CDHR2: variants seen among roughly 807,000 people sequenced by gnomAD.
The protein encoded by CDHR2 is cadherin related family member 2, also known as cadherin-related family member 2.
A neutral mutation model predicts 138.6 loss-of-function variants in CDHR2; 104 were observed. That is an observed-to-expected ratio of 0.75 (90% CI 0.64 to 0.88). The LOEUF (loss-of-function observed/expected upper bound fraction) is 0.88. CDHR2 is among the 40% of genes least tolerant of loss of function. The pLI, the probability that CDHR2 is intolerant of heterozygous loss-of-function variation, is 0.00. For synonymous variants in CDHR2, 755 were observed against 742.8 expected (o/e 1.02, Z -0.27); for missense variants, 1,624 against 1,727.6 (o/e 0.94, Z 1.06).
Position 176,584,962 on chromosome 5 carries a change from T to C in CDHR2, c.2681T>C (p.Val894Ala), listed in dbSNP as rs1561879132. The stretch of plus-strand genomic sequence containing the variant: ...GCCTGTGACCTGGTCACGCTGGTTG[T>C]GCGGGCCTGTGACCTAGCCACGGAC... ...YEACDLVTLVVRACDLATDPG... is the reference protein window; with the variant it reads ...YEACDLVTLVARACDLATDPG... The change falls in exon 19 of 32, where the codon GTG (valine) becomes GCG (alanine). Residue 894 changes from valine to alanine, a missense_variant. Val to Ala is a moderately conservative substitution (Grantham distance 64). This residue lies in a region of CDHR2 where 556 missense variants were observed against 565.7 expected (regional missense o/e 0.98). Coordinates refer to ENST00000261944, the MANE Select transcript of CDHR2 (RefSeq NM_017675.6). 1.3e-6 allele frequency: 2 copies of C among 1,566,024 alleles called. No homozygotes were observed. Among genetic ancestry groups the C allele is most frequent in the Middle Eastern group, 1.7e-4 (1 of 6,004 alleles).
intron 3 of CDHR2, among the ~76,000 whole-genome samples, chr5:176,568,131 TG>T (rs2113283196): frequency 6.6e-6 from 1 of 151,676 alleles, no homozygotes; most frequent in African/African-American, 2.4e-5. Flanking sequence ...GTAAAGGAGG[TG>T]GGGGCTCAGG....
Position 176,584,207 on chromosome 5 carries a change from G to T in CDHR2, c.2076G>T (p.Leu692=). Reference sequence around the variant, plus strand: ...GACTGCAGGACATCAATGATAACCTGCCCATCTTCAATCAGTCCAGCTACA... The same window carrying T: ...GACTGCAGGACATCAATGATAACCTTCCCATCTTCAATCAGTCCAGCTACA... ...TITVEDINDN[L]PIFNQSSYNF... The change falls in exon 18 of 32, where the codon CTG becomes CTT. Residue 692 remains leucine, a synonymous_variant. Transcript: ENST00000261944. 5.6e-6 allele frequency: 9 copies of T among 1,614,136 alleles called. No homozygotes were observed. The highest frequency in any genetic ancestry group is 7.6e-6 in the Non-Finnish European group (9 of 1,179,990).
chr5:176,588,406 A>G (rs373219689), intron 21 of CDHR2, among the ~76,000 whole-genome samples: 4 of 133,534 alleles, frequency 3.0e-5, no homozygotes, highest in Admixed American at 1.6e-4. Context: ...AGTGCATGAG[A>G]GAGTGAGGGT....
intron 7 of CDHR2, 124 bp from the exon 8 acceptor site, chr5:176,574,960 T>G: frequency 1.4e-5 from 17 of 1,174,252 alleles, no homozygotes; most frequent in South Asian, 2.9e-5. Flanking sequence ...AGAGGTCATA[T>G]GACCTGGTGC....
intron 14 of CDHR2, 78 bp downstream of exon 14, chr5:176,577,876 GTGTA>G: frequency 6.5e-7 from 1 of 1,535,416 alleles, no homozygotes; most frequent in Non-Finnish European, 8.9e-7. Context: ...GTGTGTGTGT[GTGTA>G]TGTGTGAGAT....
Position 176,565,271 on chromosome 5 carries a change from C to T in CDHR2, c.-15-67C>T, listed in dbSNP as rs539285021. Reference sequence around the variant, plus strand: ...TGGGTGGGCTCAGGTCAGACCCAGGCAGATGGGAGTCTGCCAAAAGGAGGG... The same window carrying T: ...TGGGTGGGCTCAGGTCAGACCCAGGTAGATGGGAGTCTGCCAAAAGGAGGG... On this transcript the variant is annotated intron_variant, in intron 1 of 31. Coordinates refer to ENST00000261944, the MANE Select transcript of CDHR2 (RefSeq NM_017675.6). 3.4e-6 allele frequency: 4 copies of T among 1,168,254 alleles called. No individual in the cohort carries two copies. In the South Asian group the frequency reaches 4.9e-5, roughly 14 times the overall value. The allele number at this position is 1,168,254 out of a possible 1,614,324, so 72.4% of individuals were successfully genotyped here.
intron 1 of CDHR2, among the ~76,000 whole-genome samples, chr5:176,557,695 T>C (rs1757867800): frequency 2.4e-5 from 1 of 41,412 alleles, no homozygotes; most frequent in African/African-American, 3.7e-5. Context: ...TTTTTCTTTC[T>C]TTCTTTCTTT....
intron 30 of CDHR2, chr5:176,591,770 CGAT>C (rs1442648395): frequency 4.3e-4 from 5 of 11,710 alleles, no homozygotes; most frequent in East Asian, 2.5e-3. Context: ...GTGATGATGA[CGAT>C]GGTGGTGGTG....
At chr5:176,546,876 C>T (rs935442291), upstream of CDHR2, among the ~76,000 whole-genome samples, 2 of 152,022 alleles carry the variant, frequency 1.3e-5, no homozygotes, top group African/African-American at 4.8e-5. Flanking sequence ...AGCATCCTTT[C>T]CTCAGAAACA....
intron 17 of CDHR2, among the ~76,000 whole-genome samples, chr5:176,582,020 T>C (rs1758545504): frequency 6.6e-6 from 1 of 152,208 alleles, no homozygotes; most frequent in Non-Finnish European, 1.5e-5. Context: ...TTTATTTATC[T>C]ATTGATTTAT....
chr5:176,561,571 G>A (rs1168012867), intron 1 of CDHR2, among the ~76,000 whole-genome samples: 4 of 152,066 alleles, frequency 2.6e-5, no homozygotes, highest in Admixed American at 6.6e-5. Context: ...ATGGATGGGC[G>A]GAGGAGGCAG....
Position 176,569,027 on chromosome 5 carries a change from AG to A in CDHR2, c.315+23del, listed in dbSNP as rs752784789. ...TACATCCAGGTGAGTTGGGAGGTGC[AG>A]GGGGGTAGACAGGGATTGCGAGAGT... On this transcript the variant is annotated intron_variant, in intron 5 of 31. Coordinates refer to ENST00000261944, the MANE Select transcript of CDHR2 (RefSeq NM_017675.6). 2 of 1,613,758 alleles carry A rather than the reference AG, an allele frequency of 1.2e-6. No homozygotes were observed. The highest frequency in any genetic ancestry group is 1.3e-5 in the African/African-American group (1 of 75,032).
intron 1 of CDHR2, among the ~76,000 whole-genome samples, chr5:176,550,769 C>T (rs1757687406): frequency 6.6e-6 from 1 of 152,180 alleles, no homozygotes; most frequent in Non-Finnish European, 1.5e-5. Context: ...ACCTCCCCAC[C>T]CTGACCCTCC....
chr5:176,593,867 C>T (rs976175766), intron 31 of CDHR2, among the ~76,000 whole-genome samples: 2 of 152,188 alleles, frequency 1.3e-5, no homozygotes, highest in Non-Finnish European at 2.9e-5. Flanking sequence ...ACAGAGGCCT[C>T]CGGACAGGCC....
chr5:176,568,714 A>G lies in CDHR2; in HGVS notation c.161A>G (p.Asp54Gly), dbSNP rs978795686. Residue 54 changes from aspartate (D) to glycine (G), a missense_variant, in exon 4 of 32, where the codon GAC becomes GGC. Asp to Gly is a moderately conservative substitution (Grantham distance 94, BLOSUM62 -1). Around this residue, in one of 3 missense-constraint regions of CDHR2, gnomAD observed 1,061 missense variants for 1,136.6 expected, o/e 0.93. Coordinates refer to ENST00000261944, the MANE Select transcript of CDHR2 (RefSeq NM_017675.6). ...QAFWLVAEDQ[D>G]NDPLTYGMSG... ...TTCTGGTTGGTAGCGGAAGACCAGG[A>G]CAATGACCCTCTGACCTATGGGATG... 11 of 1,614,232 alleles carry G rather than the reference A, an allele frequency of 6.8e-6. No individual in the cohort carries two copies. The highest frequency in any genetic ancestry group is 9.3e-6 in the Non-Finnish European group (11 of 1,180,022).
chr5:176,564,752 C>G (rs1370959832), intron 1 of CDHR2, among the ~76,000 whole-genome samples: 2 of 151,942 alleles, frequency 1.3e-5, no homozygotes, highest in Non-Finnish European at 2.9e-5. Context: ...CCACGGAGCA[C>G]AGTTTGGGAA....
chr5:176,592,806 T>C (rs1758921901), intron 31 of CDHR2, 26 bp downstream of exon 31: 2 of 1,608,284 alleles, frequency 1.2e-6, no homozygotes, highest in East Asian at 4.5e-5. Flanking sequence ...AATTGGTGCC[T>C]GGAGGTTCCA....
At chr5:176,555,836 G>A (rs986739881) in intron 1 of CDHR2, among the ~76,000 whole-genome samples, 1 of 152,286 alleles carries the variant, frequency 6.6e-6, no homozygotes, top group South Asian at 2.1e-4. Context: ...GGGAGGCAGA[G>A]GTTGCAGTGA....
chr5:176,591,572 TG>T, intron 30 of CDHR2, 88 bp downstream of exon 30: 2 of 994,496 alleles, frequency 2.0e-6, no homozygotes, highest in Non-Finnish European at 3.2e-6. Context: ...GTGGTGATGA[TG>T]GTGATGACAA....
Sources: allele counts gnomAD v4.1 joint callset (sites outside exome capture counted in the v4.1 genomes callset), GRCh38; gene constraint gnomAD v4.1.1; regional missense constraint gnomAD v4.1.1; transcripts MANE v1.5; gene names NCBI Gene and HGNC (gene_info 2026-07-23, HGNC 2026-07-21).